Variants in CDH18 observed in about 807,000 individuals in gnomAD.
CDH18 encodes cadherin 18.
A neutral mutation model predicts 67.9 loss-of-function variants in CDH18; 31 were observed. That is an observed-to-expected ratio of 0.46 (90% CI 0.34 to 0.62). CDH18 has a LOEUF of 0.62. Among genes scored for constraint, CDH18 ranks in the 20% least tolerant of loss-of-function variants. The pLI, the probability that CDH18 is intolerant of heterozygous loss-of-function variation, is 0.01. For synonymous variants in CDH18, 362 were observed against 347.2 expected (o/e 1.04, Z -0.48); for missense variants, 890 against 975.5 (o/e 0.91, Z 1.17).
chr5:19,593,707 C>CTT (rs1554054959), intron 6 of CDH18, among the ~76,000 whole-genome samples: 1 of 33,384 alleles, frequency 3.0e-5, no homozygotes, highest in Non-Finnish European at 5.5e-5. Flanking sequence ...TCCTCCTCCT[C>CTT]CTTCTTCTTC....
At chr5:19,681,787 T>C (rs1002205673) in intron 5 of CDH18, among the ~76,000 whole-genome samples, 3 of 151,994 alleles carry the variant, frequency 2.0e-5, no homozygotes, top group African/African-American at 7.2e-5. Context: ...TGTTATAGAA[T>C]ATTCACCTTT....
At chr5:19,895,141 A>G (rs1347806182) in intron 2 of CDH18, among the ~76,000 whole-genome samples, 1 of 152,146 alleles carries the variant, frequency 6.6e-6, no homozygotes, top group Non-Finnish European at 1.5e-5. Flanking sequence ...GGCTGAATTT[A>G]TGGGAAAAAT....
intron 2 of CDH18, among the ~76,000 whole-genome samples, chr5:19,843,038 A>G (rs911244035): frequency 1.3e-5 from 2 of 152,200 alleles, no homozygotes; most frequent in African/African-American, 2.4e-5. Context: ...TTTCAGCCTG[A>G]TCGTGTGATA....
At chr5:19,597,672 G>A (rs1746393374) in intron 6 of CDH18, among the ~76,000 whole-genome samples, 2 of 152,080 alleles carry the variant, frequency 1.3e-5, no homozygotes, top group South Asian at 4.1e-4. Flanking sequence ...ATGTTTTGGT[G>A]TATTTGCTTC....
At chr5:20,501,430 TA>T (rs1754242429) in intron 1 of CDH18, among the ~76,000 whole-genome samples, 1 of 130,354 alleles carries the variant, frequency 7.7e-6, no homozygotes, top group Non-Finnish European at 1.7e-5. Flanking sequence ...ATATTATATA[TA>T]TATTTTATAT....
At chr5:20,309,423 C>T (rs922871071) in intron 1 of CDH18, among the ~76,000 whole-genome samples, 10 of 152,054 alleles carry the variant, frequency 6.6e-5, no homozygotes, top group Non-Finnish European at 1.2e-4. Flanking sequence ...AATTGGTCCT[C>T]TTGGTACTAA....
intron 5 of CDH18, among the ~76,000 whole-genome samples, chr5:19,648,045 T>C (rs763474098): frequency 5.9e-5 from 9 of 152,138 alleles, no homozygotes; most frequent in Non-Finnish European, 1.2e-4. Context: ...AAACTTACCA[T>C]TGAGGTGAAG....
intron 1 of CDH18, among the ~76,000 whole-genome samples, chr5:20,501,917 C>T (rs1209744415): frequency 1.4e-5 from 2 of 147,586 alleles, no homozygotes; most frequent in Non-Finnish European, 1.5e-5. Flanking sequence ...CACACACACA[C>T]ATTTTATTAT....
At chr5:20,167,516 A>C in intron 2 of CDH18, among the ~76,000 whole-genome samples, 1 of 152,172 alleles carries the variant, frequency 6.6e-6, no homozygotes. Context: ...ATAGAAAAAT[A>C]AATAAAAGAG....
At chr5:20,329,507 A>C (rs553525508) in intron 1 of CDH18, among the ~76,000 whole-genome samples, 8 of 152,224 alleles carry the variant, frequency 5.3e-5, no homozygotes, top group South Asian at 4.1e-4. Context: ...TCACGCCTGT[A>C]ATCTCAGCAT....
intron 1 of CDH18, among the ~76,000 whole-genome samples, chr5:20,453,481 T>C (rs1421346212): frequency 6.6e-6 from 1 of 152,076 alleles, no homozygotes; most frequent in Non-Finnish European, 1.5e-5. Context: ...ATGCATTGCT[T>C]AGTTTAGTGC....
At chr5:19,728,836 T>A (rs1487613823) in intron 4 of CDH18, among the ~76,000 whole-genome samples, 1 of 152,152 alleles carries the variant, frequency 6.6e-6, no homozygotes, top group Non-Finnish European at 1.5e-5. Flanking sequence ...TAGGGCTTAA[T>A]TCTCAGAAGA....
chr5:20,217,721 G>C (rs1740890826), intron 2 of CDH18, among the ~76,000 whole-genome samples: 1 of 151,554 alleles, frequency 6.6e-6, no homozygotes, highest in South Asian at 2.1e-4. Context: ...CCAAGCAAAA[G>C]ACAGAATGGC....
In CDH18 at chr5:19,680,163, A is replaced by T. The variant is rs1760078817; in HGVS notation, c.643+41184T>A. Among the ~76,000 whole-genome samples the T allele has an allele frequency of 2.0e-5, 3 of 152,100 alleles. 1 individual carries two copies. In the South Asian group the frequency reaches 6.2e-4, roughly 31 times the overall value. ...CTGATCTTTGACAAATTTGACAAAA[A>T]CAAGCCATGTGGAAAGGATTCCCTA... On this transcript the variant is annotated intron_variant, in intron 5 of 12. Coordinates refer to ENST00000382275, the MANE Select transcript of CDH18 (RefSeq NM_004934.5).
intron 6 of CDH18, among the ~76,000 whole-genome samples, chr5:19,604,260 T>TAAA (rs1580446205): frequency 6.6e-6 from 1 of 152,072 alleles, no homozygotes; most frequent in East Asian, 1.9e-4. Flanking sequence ...TCATTCCCTA[T>TAAA]GATTACCCCA....
At chr5:20,511,036 T>G (rs1755001739) in intron 1 of CDH18, among the ~76,000 whole-genome samples, 1 of 152,178 alleles carries the variant, frequency 6.6e-6, no homozygotes, top group Admixed American at 6.5e-5. Flanking sequence ...GCATTAATTC[T>G]AAATAAATCA....
intron 1 of CDH18, among the ~76,000 whole-genome samples, chr5:20,467,394 A>G (rs948425190): frequency 6.6e-6 from 1 of 152,152 alleles, no homozygotes; most frequent in Non-Finnish European, 1.5e-5. Context: ...AGAAGGTTCA[A>G]TAAGCTTAAC....
chr5:20,148,291 G>T (rs1005644100), intron 2 of CDH18, among the ~76,000 whole-genome samples: 1 of 151,790 alleles, frequency 6.6e-6, no homozygotes, highest in Non-Finnish European at 1.5e-5. Context: ...TAGAGACAGG[G>T]TTTCACTGTG....
chr5:20,397,848 T>C (rs1046111775), intron 1 of CDH18, among the ~76,000 whole-genome samples: 1 of 152,210 alleles, frequency 6.6e-6, no homozygotes, highest in African/African-American at 2.4e-5. Flanking sequence ...ACATTTTACG[T>C]TGATAGCACA....
Sources: allele counts gnomAD v4.1 joint callset (sites outside exome capture counted in the v4.1 genomes callset), GRCh38; gene constraint gnomAD v4.1.1; transcripts MANE v1.5; gene names NCBI Gene and HGNC (gene_info 2026-07-23, HGNC 2026-07-21).